Variants in COCH observed in about 807,000 individuals in gnomAD.
COCH encodes the protein cochlin.
COCH carries 40 observed loss-of-function variants against 54.8 expected under a neutral mutation model. The ratio of observed to expected loss-of-function variants is 0.73; its 90% confidence interval spans 0.57 to 0.95. The LOEUF is 0.95. Ranked by LOEUF, COCH falls within the 40% of genes least tolerant of loss-of-function variation. The pLI is 0.00. For missense variants in COCH, 605 were observed against 675.0 expected (o/e 0.90, Z 1.15); for synonymous variants, 256 against 237.9 (o/e 1.08, Z -0.70).
downstream of COCH, among the ~76,000 whole-genome samples, chr14:30,892,411 A>G (rs1896004790): frequency 6.6e-6 from 1 of 152,178 alleles, no homozygotes; most frequent in Non-Finnish European, 1.5e-5. Context: ...CTTATTCTTT[A>G]TTTCAAAAAA....
chr14:30,886,162 G>A lies in COCH; in HGVS notation c.1327G>A (p.Gly443Arg), dbSNP rs759679894. Reference sequence around the variant, plus strand: ...CAGAAACATCCGCTATATGAGTGGTGGAACAGCTACTGGTGATGCCATTTC... The same window carrying A: ...CAGAAACATCCGCTATATGAGTGGTAGAACAGCTACTGGTGATGCCATTTC... ...VIRNIRYMSG[G>R]TATGDAISFT... The change falls in exon 11 of 12, where the codon GGA (glycine) becomes AGA (arginine). Residue 443 changes from glycine (G) to arginine (R), a missense_variant. Physicochemically the swap from Gly to Arg is moderately radical, Grantham distance 125. Coordinates refer to ENST00000396618, the MANE Select transcript of COCH (RefSeq NM_004086.3). 6.2e-7 allele frequency: 1 copy of A among 1,611,242 alleles called. No homozygotes were observed. Among genetic ancestry groups the A allele is most frequent in the Admixed American group, 1.7e-5 (1 of 59,928 alleles).
chr14:30,893,193 C>T (rs1896033005), downstream of COCH, among the ~76,000 whole-genome samples: 1 of 142,330 alleles, frequency 7.0e-6, no homozygotes, highest in South Asian at 2.2e-4. Flanking sequence ...TCTCTGTCAC[C>T]CAGGCTGGAG....
At chr14:30,885,162 G>T in intron 9 of COCH, 1 of 1,311,314 alleles carries the variant, frequency 7.6e-7, no homozygotes, top group Non-Finnish European at 1.0e-6. Context: ...AGGAGGTGGA[G>T]GGGGAACTAA....
Position 30,878,802 on chromosome 14 carries a change from G to A in COCH, c.240-9G>A, listed in dbSNP as rs1895464932. The A allele has an allele frequency of 1.2e-6, 2 of 1,614,114 alleles. No homozygotes were observed. The highest frequency in any genetic ancestry group is 1.7e-6 in the Non-Finnish European group (2 of 1,180,022). ...GGATAGCATCTCAGCTGCTATTCTT[G>A]TGTTACAGGGGAGTAATCAGCAACT... On this transcript the variant is annotated splice_polypyrimidine_tract_variant and intron_variant, in intron 4 of 11. Coordinates refer to ENST00000396618, the MANE Select transcript of COCH (RefSeq NM_004086.3).
In COCH at chr14:30,882,120, G is replaced by GTTTT. The variant is rs61175020; in HGVS notation, c.629+1410_629+1413dup. 3.3e-3 allele frequency among the ~76,000 whole-genome samples: 227 copies of GTTTT among 67,904 alleles called. 43 individuals are homozygous for GTTTT. The highest frequency in any genetic ancestry group is 8.9e-3 in the African/African-American group (135 of 15,208). 44.5% of individuals were successfully genotyped at this position (67,904 alleles called of 152,430 possible). ...CCCTAGAGATAATCACTATAAAATG[G>GTTTT]TTTTTTTTTTTTTTTTTTTTTTTTT... is the stretch of plus-strand genomic sequence containing the variant. On this transcript the variant is annotated intron_variant, in intron 8 of 11. Coordinates refer to ENST00000396618, the MANE Select transcript of COCH (RefSeq NM_004086.3).
At position 30,886,284 on chromosome 14, in the gene COCH, A is replaced by T. The variant is rs1221680509; in HGVS notation, c.1449A>T (p.Gln483His). The T allele has an allele frequency of 1.2e-6, 2 of 1,614,182 alleles. No individual in the cohort carries two copies. Among genetic ancestry groups the T allele is most frequent in the Non-Finnish European group, 1.7e-6 (2 of 1,180,016 alleles). Residue 483 changes from glutamine to histidine, a missense_variant, in exon 11 of 12, where the codon CAA becomes CAT. By Grantham distance (24) the Gln-to-His change is conservative (BLOSUM62 0). Transcript: ENST00000396618. ...ATGGGCAGTCCTATGATGATGTCCA[A>T]GGCCCTGCAGCTGCTGCACATGATG... ...VTDGQSYDDVQGPAAAAHDAG... is the reference protein window; with the variant it reads ...VTDGQSYDDVHGPAAAAHDAG...
At chr14:30,888,903 C>T (rs929650057) in intron 11 of COCH, among the ~76,000 whole-genome samples, 1 of 151,762 alleles carries the variant, frequency 6.6e-6, no homozygotes, top group African/African-American at 2.4e-5. Context: ...CTTCTAGTAA[C>T]TAAAGTGAAT....
In COCH at chr14:30,885,621, G is replaced by T; in HGVS notation, c.960+1G>T. On this transcript the variant is annotated splice_donor_variant, in intron 10 of 11. Transcript: ENST00000396618. LOFTEE classifies it high-confidence loss of function. The stretch of plus-strand genomic sequence containing the variant: ...TCAGGATGTCACATTTGTTGACAAG[G>T]TAAAGTGGTGAGGGTTATCTTCTGT... The T allele has an allele frequency of 6.3e-7, 1 of 1,575,642 alleles. No individual in the cohort carries two copies. Among genetic ancestry groups the T allele is most frequent in the Non-Finnish European group, 8.7e-7 (1 of 1,145,024 alleles).
In COCH at chr14:30,890,369, A is replaced by G; in HGVS notation, c.*578A>G. ...TTGTAGTGTGTTTTCATAACAACTTATGACTAAAAATATCACACTGAATAA... is the reference window on the plus strand; with the variant it reads ...TTGTAGTGTGTTTTCATAACAACTTGTGACTAAAAATATCACACTGAATAA... On this transcript the variant is annotated 3_prime_UTR_variant, in exon 12 of 12. Transcript: ENST00000396618. 1.0e-6 allele frequency: 1 copy of G among 985,498 alleles called. No homozygotes were observed. Among genetic ancestry groups the G allele is most frequent in the Non-Finnish European group, 1.2e-6 (1 of 829,958 alleles). 61.0% of individuals were successfully genotyped at this position (985,498 alleles called of 1,614,324 possible).
At chr14:30,895,213 G>C, downstream of COCH, 1 of 583,510 alleles carries the variant, frequency 1.7e-6, no homozygotes, top group Admixed American at 3.3e-5. Flanking sequence ...TTTTTTCTTT[G>C]TCCCACAAAA....
At chr14:30,895,310 CAGATCACATGT>C (rs1896111961), downstream of COCH, 1 of 1,243,542 alleles carries the variant, frequency 8.0e-7, no homozygotes, top group Non-Finnish European at 1.1e-6. Flanking sequence ...CTTCACCAGG[CAGATCACATGT>C]AGTGTCATAT....
chr14:30,890,058 TAA>T lies in COCH; in HGVS notation c.*268_*269del. ...GAGGAGATAATGTGGATTAAAACCT[TAA>T]GAGTTCTAACCATGCCTACTAAATG... On this transcript the variant is annotated 3_prime_UTR_variant, in exon 12 of 12. Coordinates refer to ENST00000396618, the MANE Select transcript of COCH (RefSeq NM_004086.3). The T allele has an allele frequency of 8.7e-7, 1 of 1,147,098 alleles. No individual in the cohort carries two copies. The highest frequency in any genetic ancestry group is 1.1e-6 in the Non-Finnish European group (1 of 929,484). 71.1% of individuals were successfully genotyped at this position (1,147,098 alleles called of 1,614,324 possible).
At chr14:30,894,936 T>A, downstream of COCH, 1 of 1,105,290 alleles carries the variant, frequency 9.0e-7, no homozygotes, top group Non-Finnish European at 1.1e-6. Flanking sequence ...AAAGGGAATC[T>A]GTGGCATTCA....
At chr14:30,892,233 AAAG>A (rs1342194521), downstream of COCH, among the ~76,000 whole-genome samples, 1 of 152,220 alleles carries the variant, frequency 6.6e-6, no homozygotes, top group Non-Finnish European at 1.5e-5. Flanking sequence ...AAATACAACC[AAAG>A]GAGATAGAAC....
Position 30,877,100 on chromosome 14 carries a change from C to T in COCH, c.83-472C>T, listed in dbSNP as rs145701357. ...CTGGGATTATAGGCATGAGTCACCA[C>T]GCCCAGCCAAGATTTTTTATATTTC... On this transcript the variant is annotated intron_variant, in intron 3 of 11. Transcript: ENST00000396618. The surrounding 1 kb of genome is among the most constrained non-coding windows in gnomAD (Gnocchi z 8.6). Among the ~76,000 whole-genome samples the T allele has an allele frequency of 0.019, 2,924 of 152,126 alleles. 47 individuals are homozygous for T. The highest frequency in any genetic ancestry group is 0.025 in the Non-Finnish European group (1,700 of 68,008).
chr14:30,875,299 G>T, intron 3 of COCH, 196 bp downstream of exon 3: 1 of 810,706 alleles, frequency 1.2e-6, no homozygotes, highest in Non-Finnish European at 1.9e-6. Flanking sequence ...TTCTCCCATG[G>T]TAGGGGGCCC....
At chr14:30,878,695 C>T (rs997267547) in intron 4 of COCH, 116 bp from the exon 5 acceptor site, 51 of 1,424,558 alleles carry the variant, frequency 3.6e-5, no homozygotes, top group Middle Eastern at 2.2e-4. Flanking sequence ...AGATGACTTC[C>T]CTGATGAGCT....
At chr14:30,882,579 C>T (rs10431648) in intron 8 of COCH, among the ~76,000 whole-genome samples, 32,656 of 151,924 alleles carry the variant, frequency 0.21, 3,869 homozygotes, top group Middle Eastern at 0.32. Flanking sequence ...CATAATATTC[C>T]GCTGCATGAT....
intron 8 of COCH, 31 bp from the exon 9 acceptor site, chr14:30,884,522 C>T: frequency 6.9e-7 from 1 of 1,448,382 alleles, no homozygotes; most frequent in East Asian, 2.3e-5. Context: ...TTTTAATTCT[C>T]CCTGAATAAC....
Sources: allele counts gnomAD v4.1 joint callset (sites outside exome capture counted in the v4.1 genomes callset), GRCh38; gene constraint gnomAD v4.1.1; non-coding constraint Gnocchi (gnomAD v3.1); transcripts MANE v1.5; gene names NCBI Gene and HGNC (gene_info 2026-07-23, HGNC 2026-07-21).